CPA6: variants seen among roughly 807,000 people sequenced by gnomAD.
CPA6 encodes the protein carboxypeptidase B.
A neutral mutation model predicts 63.3 loss-of-function variants in CPA6; 58 were observed. That is an observed-to-expected ratio of 0.92 (90% CI 0.74 to 1.14). The LOEUF is 1.14. Ranked by LOEUF, CPA6 falls within the 50% of genes most tolerant of loss-of-function variation. CPA6 has a pLI of 0.00. For missense variants in CPA6, 565 were observed against 526.6 expected (o/e 1.07, Z -0.71); for synonymous variants, 185 against 179.0 (o/e 1.03, Z -0.27).
At chr8:67,712,637 A>G (rs1817286550) in intron 1 of CPA6, among the ~76,000 whole-genome samples, 1 of 152,174 alleles carries the variant, frequency 6.6e-6, no homozygotes, top group Non-Finnish European at 1.5e-5. Flanking sequence ...GAGATTTGGG[A>G]TACTCAGAAA....
intron 1 of CPA6, among the ~76,000 whole-genome samples, chr8:67,702,350 T>TA (rs1448870385): frequency 6.6e-6 from 1 of 152,188 alleles, no homozygotes; most frequent in African/African-American, 2.4e-5. Flanking sequence ...CTTAAGGTCC[T>TA]CATGATCCCA....
intron 6 of CPA6, among the ~76,000 whole-genome samples, chr8:67,487,057 G>T (rs895931153): frequency 6.6e-6 from 1 of 151,866 alleles, no homozygotes; most frequent in Non-Finnish European, 1.5e-5. Flanking sequence ...GAATATATAT[G>T]TATATTTTTA....
chr8:67,545,593 G>A (rs1263316633), intron 2 of CPA6, among the ~76,000 whole-genome samples: 1 of 121,338 alleles, frequency 8.2e-6, no homozygotes, highest in Non-Finnish European at 1.7e-5. Context: ...TTGAGATGGA[G>A]TTTTGCTCTT....
chr8:67,694,314 G>T (rs1816869571), intron 1 of CPA6, among the ~76,000 whole-genome samples: 1 of 152,224 alleles, frequency 6.6e-6, no homozygotes, highest in South Asian at 2.1e-4. Context: ...GGATTTTAGA[G>T]AAAGGCCTTG....
chr8:67,613,398 A>G (rs1814860339), intron 2 of CPA6, among the ~76,000 whole-genome samples: 1 of 152,248 alleles, frequency 6.6e-6, no homozygotes, highest in Admixed American at 6.5e-5. Context: ...CACTAGGGAA[A>G]CAAAGATGAG....
rs113515343 is a variant in CPA6 at position 67,607,725 on chromosome 8, C to T, written c.192+16451G>A. On this transcript the variant is annotated intron_variant, in intron 2 of 10. Transcript: ENST00000297770. ...CAACTGATAGTTTTATCAAATGTTT[C>T]GTCACTACATCACACTGGTATCTTT... Among the ~76,000 whole-genome samples the T allele has an allele frequency of 7.9e-5, 12 of 152,260 alleles. 1 individual carries two copies. Among genetic ancestry groups the T allele is most frequent in the African/African-American group, 1.2e-4 (5 of 41,576 alleles).
intron 1 of CPA6, among the ~76,000 whole-genome samples, chr8:67,665,641 T>C (rs1000868085): frequency 2.0e-5 from 3 of 152,238 alleles, no homozygotes; most frequent in Non-Finnish European, 4.4e-5. Context: ...ATTTTTCTTT[T>C]TATGGCTTTG....
At chr8:67,680,062 T>A (rs945995035) in intron 1 of CPA6, among the ~76,000 whole-genome samples, 1 of 152,218 alleles carries the variant, frequency 6.6e-6, no homozygotes, top group African/African-American at 2.4e-5. Context: ...TAAAATGCAT[T>A]TCCCCCAGGA....
intron 2 of CPA6, among the ~76,000 whole-genome samples, chr8:67,580,717 C>G (rs1408021136): frequency 6.6e-6 from 1 of 152,096 alleles, no homozygotes; most frequent in East Asian, 1.9e-4. Flanking sequence ...CCATGCCAGC[C>G]TGGAATATTC....
intron 6 of CPA6, among the ~76,000 whole-genome samples, chr8:67,490,319 C>G (rs1199645806): frequency 6.6e-6 from 1 of 152,088 alleles, no homozygotes; most frequent in Non-Finnish European, 1.5e-5. Flanking sequence ...GATACATACC[C>G]TCCATACACA....
At chr8:67,732,067 TCTC>T (rs112874487) in intron 1 of CPA6, among the ~76,000 whole-genome samples, 2,219 of 152,034 alleles carry the variant, frequency 0.015, 54 homozygotes, top group African/African-American at 0.049. Flanking sequence ...GCCTCAGAGA[TCTC>T]CTCCCCCAAG....
chr8:67,475,743 CCTTCTTTCTTTT>C (rs1811159133), intron 8 of CPA6, among the ~76,000 whole-genome samples: 1 of 149,968 alleles, frequency 6.7e-6, no homozygotes, highest in Non-Finnish European at 1.5e-5. Context: ...TTCTTTCTTT[CCTTCTTTCTTTT>C]TTTCTTTCTT....
chr8:67,718,478 C>A (rs956440270), intron 1 of CPA6, among the ~76,000 whole-genome samples: 3 of 152,126 alleles, frequency 2.0e-5, no homozygotes, highest in Non-Finnish European at 4.4e-5. Flanking sequence ...ATGAAAGGTA[C>A]ATGTGCAGGT....
intron 1 of CPA6, among the ~76,000 whole-genome samples, chr8:67,715,446 GTTT>G (rs1161050342): frequency 6.6e-6 from 1 of 152,238 alleles, no homozygotes; most frequent in Non-Finnish European, 1.5e-5. Context: ...AAGATTGGCA[GTTT>G]TTTAACAGAT....
intron 1 of CPA6, among the ~76,000 whole-genome samples, chr8:67,628,982 G>T (rs911092602): frequency 4.6e-5 from 7 of 152,112 alleles, no homozygotes; most frequent in Non-Finnish European, 8.8e-5. Context: ...GGGTGTGGTG[G>T]CACATGCCTG....
intron 1 of CPA6, among the ~76,000 whole-genome samples, chr8:67,704,770 G>A (rs1323949112): frequency 6.6e-6 from 1 of 152,192 alleles, no homozygotes; most frequent in East Asian, 1.9e-4. Context: ...TTCAGGAAAG[G>A]ATAATAGGGA....
At chr8:67,620,294 A>G (rs939162046) in intron 2 of CPA6, among the ~76,000 whole-genome samples, 1 of 152,160 alleles carries the variant, frequency 6.6e-6, no homozygotes, top group Non-Finnish European at 1.5e-5. Flanking sequence ...GGTCTGCCCT[A>G]TGTCATTTCC....
intron 8 of CPA6, among the ~76,000 whole-genome samples, chr8:67,445,986 CG>C (rs1810402289): frequency 1.3e-5 from 2 of 152,080 alleles, no homozygotes. Flanking sequence ...CATTTACGGC[CG>C]GGGGCGGTGG....
At chr8:67,459,676 C>T (rs944372442) in intron 8 of CPA6, among the ~76,000 whole-genome samples, 1 of 152,086 alleles carries the variant, frequency 6.6e-6, no homozygotes, top group African/African-American at 2.4e-5. Context: ...CTGTAAGATA[C>T]TATATTGAGG....
Sources: allele counts gnomAD v4.1 joint callset (sites outside exome capture counted in the v4.1 genomes callset), GRCh38; gene constraint gnomAD v4.1.1; transcripts MANE v1.5; gene names NCBI Gene and HGNC (gene_info 2026-07-23, HGNC 2026-07-21).